Variants in RPS6KA2 observed in about 807,000 individuals in gnomAD.
The protein encoded by RPS6KA2 is ribosomal protein S6 kinase A2.
A neutral mutation model predicts 91.8 loss-of-function variants in RPS6KA2; 42 were observed. That is an observed-to-expected ratio of 0.46 (90% CI 0.36 to 0.59). The LOEUF is 0.59. RPS6KA2 is among the 20% of genes least tolerant of loss of function. The pLI is 0.00. For missense variants in RPS6KA2, 798 were observed against 978.5 expected (o/e 0.82, Z 2.46); for synonymous variants, 414 against 393.6 (o/e 1.05, Z -0.61).
At chr6:166,531,455 C>A in intron 2 of RPS6KA2, 142 bp from the exon 3 acceptor site, 1 of 666,122 alleles carries the variant, frequency 1.5e-6, no homozygotes, top group South Asian at 1.8e-5. Context: ...AAATTTTCTC[C>A]AACGTCAAGG....
intron 1 of RPS6KA2, among the ~76,000 whole-genome samples, chr6:166,559,172 G>T (rs369822601): frequency 1.8e-4 from 27 of 152,248 alleles, no homozygotes; most frequent in African/African-American, 5.8e-4. Flanking sequence ...GGCAGTGTGG[G>T]CAAGGATTCA....
chr6:166,729,058 C>T (rs1790433015), intron 2 of RPS6KA2, among the ~76,000 whole-genome samples: 1 of 152,224 alleles, frequency 6.6e-6, no homozygotes, highest in African/African-American at 2.4e-5. Context: ...AGGGCCACCC[C>T]ACAGCAGGTG....
chr6:166,847,050 T>C lies in RPS6KA2; in HGVS notation c.123+11150A>G, dbSNP rs143247035. 3.0e-4 allele frequency among the ~76,000 whole-genome samples: 45 copies of C among 152,254 alleles called. No individual in the cohort carries two copies. The East Asian group carries it at 8.7e-3, about 29-fold the overall frequency. The stretch of plus-strand genomic sequence containing the variant: ...TCCAAAAAGCTCCTTTAACTGGTAA[T>C]TGAATTTAGCAAAGTTTCCAGATAC... On this transcript the variant is annotated intron_variant, in intron 2 of 21. Coordinates refer to the RPS6KA2 transcript ENST00000503859.
chr6:166,462,176 C>A (rs1043589755), intron 11 of RPS6KA2, among the ~76,000 whole-genome samples: 1 of 152,206 alleles, frequency 6.6e-6, no homozygotes, highest in Non-Finnish European at 1.5e-5. Context: ...AAAAGTGCAA[C>A]GTCAACCAGC....
intron 1 of RPS6KA2, among the ~76,000 whole-genome samples, chr6:166,600,890 T>C (rs1583316112): frequency 6.6e-6 from 1 of 152,272 alleles, no homozygotes; most frequent in Non-Finnish European, 1.5e-5. Context: ...ATTCTTATTA[T>C]ATTATCCCTA....
intron 12 of RPS6KA2, among the ~76,000 whole-genome samples, chr6:166,457,289 G>A (rs1397027354): frequency 1.3e-5 from 2 of 152,184 alleles, no homozygotes; most frequent in African/African-American, 4.8e-5. Flanking sequence ...GGTGACCTGT[G>A]GGCAGGGGCA....
chr6:166,520,216 C>T (rs553180161), intron 3 of RPS6KA2, among the ~76,000 whole-genome samples: 69 of 152,316 alleles, frequency 4.5e-4, no homozygotes, highest in African/African-American at 1.5e-3. Context: ...GAAACTTATA[C>T]CACCAGCTCT....
intron 12 of RPS6KA2, among the ~76,000 whole-genome samples, chr6:166,452,230 T>C (rs1779940088): frequency 6.6e-6 from 1 of 152,156 alleles, no homozygotes; most frequent in Admixed American, 6.5e-5. Context: ...CTGGCAACAT[T>C]TAAAGCCAAC....
At chr6:166,704,804 T>G (rs1221110005) in intron 2 of RPS6KA2, among the ~76,000 whole-genome samples, 2 of 152,238 alleles carry the variant, frequency 1.3e-5, no homozygotes, top group African/African-American at 4.8e-5. Flanking sequence ...TCCTCTGATC[T>G]TTCCTGACCT....
intron 2 of RPS6KA2, among the ~76,000 whole-genome samples, chr6:166,638,426 C>G (rs948428185): frequency 8.5e-5 from 13 of 152,100 alleles, no homozygotes; most frequent in African/African-American, 3.1e-4. Flanking sequence ...TCAAAGTGAC[C>G]AAGCAGATAA....
intron 2 of RPS6KA2, among the ~76,000 whole-genome samples, chr6:166,745,413 A>G (rs1441827608): frequency 1.3e-5 from 2 of 151,986 alleles, no homozygotes; most frequent in Non-Finnish European, 1.5e-5. Flanking sequence ...TGGCCTCCCA[A>G]AGTGTTGGGA....
Position 166,862,007 on chromosome 6 carries a change from C to T in RPS6KA2, c.63+101G>A, listed in dbSNP as rs577588838. On this transcript the variant is annotated intron_variant, in intron 1 of 21. Coordinates refer to the RPS6KA2 transcript ENST00000503859. ...CCAACTCTCTGACCCATCATAGTCA[C>T]CTAATGGACATGAACTGATTATAGT... The T allele has an allele frequency of 1.2e-5, 17 of 1,474,408 alleles. No homozygotes were observed. In the East Asian group the frequency reaches 3.4e-4, roughly 30 times the overall value. The allele number at this position is 1,474,408 out of a possible 1,614,324, so 91.3% of individuals were successfully genotyped here. A position where few individuals can be genotyped will look rare whatever the true frequency, so the allele number is the denominator to read the frequency against.
intron 2 of RPS6KA2, among the ~76,000 whole-genome samples, chr6:166,850,296 C>G (rs1780706747): frequency 6.6e-6 from 1 of 151,436 alleles, no homozygotes; most frequent in East Asian, 1.9e-4. Flanking sequence ...CCCAAACACA[C>G]ACAGCATTAT....
rs1231273392 is a variant in RPS6KA2, at chr6:166,423,143, C to T, written c.1743+113G>A. 3.0e-5 allele frequency: 34 copies of T among 1,115,386 alleles called. No individual in the cohort carries two copies. The Middle Eastern group carries it at 9.1e-4, about 30-fold the overall frequency. The allele number at this position is 1,115,386 out of a possible 1,614,324, so 69.1% of individuals were successfully genotyped here. A position where few individuals can be genotyped will look rare whatever the true frequency, so the allele number is the denominator to read the frequency against. ...TTCTGTTTCCCAACACCACTGCTGACGCAGCTCAAGCCGCCTCTGACATCC... is the reference window on the plus strand; with the variant it reads ...TTCTGTTTCCCAACACCACTGCTGATGCAGCTCAAGCCGCCTCTGACATCC... On this transcript the variant is annotated intron_variant, in intron 17 of 20. Coordinates refer to ENST00000265678, the MANE Select transcript of RPS6KA2 (RefSeq NM_021135.6). This position sits in a 1 kb window ranked among gnomAD's most constrained non-coding sequence, Gnocchi z 4.8.
At chr6:166,822,433 C>T (rs79310834) in intron 2 of RPS6KA2, among the ~76,000 whole-genome samples, 6 of 152,326 alleles carry the variant, frequency 3.9e-5, no homozygotes, top group East Asian at 3.9e-4. Context: ...GAGGGTGCCC[C>T]GGCAAGCCAA....
At chr6:166,471,818 C>CCT (rs3215468) in intron 10 of RPS6KA2, among the ~76,000 whole-genome samples, 63,375 of 151,976 alleles carry the variant, frequency 0.42, 13,946 homozygotes, top group East Asian at 0.59. Context: ...GTGTCTTTCC[C>CCT]GAGGACTCCC....
chr6:166,693,262 C>T (rs1238715161), intron 2 of RPS6KA2, among the ~76,000 whole-genome samples: 1 of 152,216 alleles, frequency 6.6e-6, no homozygotes, highest in Non-Finnish European at 1.5e-5. Context: ...CTGTGAAATC[C>T]AGATGTTCTG....
chr6:166,632,851 T>C (rs954312026), intron 2 of RPS6KA2, among the ~76,000 whole-genome samples: 1 of 151,540 alleles, frequency 6.6e-6, no homozygotes, highest in African/African-American at 2.4e-5. Flanking sequence ...AGGAACAGGG[T>C]CGGGGAGAGG....
intron 2 of RPS6KA2, among the ~76,000 whole-genome samples, chr6:166,763,489 A>C (rs989211616): frequency 1.3e-5 from 2 of 152,216 alleles, no homozygotes; most frequent in African/African-American, 2.4e-5. Context: ...TGACTACTTC[A>C]TCTGGTTGTT....
Sources: allele counts gnomAD v4.1 joint callset (sites outside exome capture counted in the v4.1 genomes callset), GRCh38; gene constraint gnomAD v4.1.1; non-coding constraint Gnocchi (gnomAD v3.1); transcripts MANE v1.5; gene names NCBI Gene and HGNC (gene_info 2026-07-23, HGNC 2026-07-21).